Variants in RHOXF1 observed in about 807,000 individuals in gnomAD.
The protein encoded by RHOXF1 is PEPP subfamily gene 1.
Under a neutral mutation model 9.7 loss-of-function variants are expected in RHOXF1, and 1 was observed. That is an observed-to-expected ratio of 0.10 (90% CI 0.04 to 0.49). The LOEUF (loss-of-function observed/expected upper bound fraction) is 0.49. RHOXF1 is among the 20% of genes least tolerant of loss of function. The pLI, the probability that RHOXF1 is intolerant of heterozygous loss-of-function variation, is 0.95. For synonymous variants in RHOXF1, 72 were observed against 70.2 expected (o/e 1.03, Z -0.13); for missense variants, 179 against 168.0 (o/e 1.07, Z -0.36).
intron 1 of RHOXF1, among the ~76,000 whole-genome samples, chrX:120,113,917 C>T (rs1405131759): frequency 9.3e-6 from 1 of 107,774 alleles, no homozygotes; most frequent in Non-Finnish European, 1.9e-5. Context: ...CACGGCGAAA[C>T]CTTATCTCTA....
At position 120,109,171 on chromosome X, in the gene RHOXF1, A is replaced by T; in HGVS notation, c.*21T>A. The T allele has an allele frequency of 9.3e-7, 1 of 1,080,191 alleles. No individual in the cohort carries two copies. Among genetic ancestry groups the T allele is most frequent in the South Asian group, 2.1e-5 (1 of 47,470 alleles). 89.0% of individuals were successfully genotyped at this position (1,080,191 alleles called of 1,213,427 possible). ...AAACCCATCTCCAAACTAGCTCCTG[A>T]AGAAGGATGGCATTCTAGGGCTAGT... is the stretch of plus-strand genomic sequence containing the variant. On this transcript the variant is annotated 3_prime_UTR_variant, in exon 3 of 3. Transcript: ENST00000217999.
At chrX:120,119,446 G>A (rs1224253974), upstream of RHOXF1, 1 of 111,561 alleles carries the variant, frequency 9.0e-6, no homozygotes, top group African/African-American at 3.3e-5. Flanking sequence ...GTTTTCAAGA[G>A]TGAATCAAAA....
rs1327639708 is a variant in RHOXF1, at chrX:120,113,143, CT to C, written c.399-230del. 4.5e-3 allele frequency among the ~76,000 whole-genome samples: 471 copies of C among 105,338 alleles called. 1 individual carries two copies. Among genetic ancestry groups the C allele is most frequent in the Non-Finnish European group, 6.6e-3 (336 of 50,658 alleles). The allele number at this position is 105,338 out of a possible 115,157, so 91.5% of individuals were successfully genotyped here. On this transcript the variant is annotated intron_variant, in intron 1 of 2. Coordinates refer to ENST00000217999, the MANE Select transcript of RHOXF1 (RefSeq NM_139282.3). Reference sequence around the variant, plus strand: ...ACAACTCAGTAATCAAGAGAAATACCTTTTTTTTTTTAAATTGAGACAAGGT... The same window carrying C: ...ACAACTCAGTAATCAAGAGAAATACCTTTTTTTTTTAAATTGAGACAAGGT...
At chrX:120,113,749 C>T (rs2057281204) in intron 1 of RHOXF1, among the ~76,000 whole-genome samples, 1 of 108,578 alleles carries the variant, frequency 9.2e-6, no homozygotes, top group South Asian at 4.2e-4. Flanking sequence ...CCTGAGCCAC[C>T]GTGCCTGGCC....
At chrX:120,119,577 C>T (rs1603391557), upstream of RHOXF1, 1 of 111,952 alleles carries the variant, frequency 8.9e-6, no homozygotes, top group East Asian at 2.8e-4. Context: ...GAGAAAACAC[C>T]GGGGTACACT....
upstream of RHOXF1, among the ~76,000 whole-genome samples, chrX:120,118,914 A>G (rs1289822933): frequency 1.8e-5 from 2 of 111,772 alleles, no homozygotes; most frequent in Non-Finnish European, 3.8e-5. Context: ...CAAGGAAGAA[A>G]ATCTGTCTGC....
At chrX:120,110,998 T>A (rs2057262511) in intron 2 of RHOXF1, among the ~76,000 whole-genome samples, 1 of 112,146 alleles carries the variant, frequency 8.9e-6, no homozygotes, top group South Asian at 3.8e-4. Flanking sequence ...TAGGTCTGCA[T>A]TCCCAATACT....
upstream of RHOXF1, chrX:120,117,794 GGGAGCAGGAAA>G (rs2057303108): frequency 8.9e-6 from 1 of 112,258 alleles, no homozygotes; most frequent in African/African-American, 3.2e-5. Context: ...GTACATTGTG[GGGAGCAGGAAA>G]GGACTACCAG....
In RHOXF1 at chrX:120,115,580, C is replaced by A. The variant is rs782682773; in HGVS notation, c.283G>T (p.Gly95Cys). 1.7e-6 allele frequency: 2 copies of A among 1,145,252 alleles called. No individual in the cohort carries two copies. The highest frequency in any genetic ancestry group is 1.8e-5 in the African/African-American group (1 of 54,883). The allele number at this position is 1,145,252 out of a possible 1,213,427, so 94.4% of individuals were successfully genotyped here. Residue 95 changes from glycine to cysteine, a missense_variant, in exon 1 of 3, where the codon GGT (glycine) becomes TGT (cysteine). Coordinates refer to ENST00000217999, the MANE Select transcript of RHOXF1 (RefSeq NM_139282.3). Reference protein sequence around the residue: ...PEEPAQAAMEGPQPENMQPRT... With the variant: ...PEEPAQAAMECPQPENMQPRT... Reference sequence around the variant, plus strand: ...GGCTGCATGTTCTCGGGCTGCGGACCCTCCATGGCCGCCTGGGCCGGCTCC... The same window carrying A: ...GGCTGCATGTTCTCGGGCTGCGGACACTCCATGGCCGCCTGGGCCGGCTCC...
At chrX:120,110,234 G>A (rs1043718414) in intron 2 of RHOXF1, among the ~76,000 whole-genome samples, 1 of 111,816 alleles carries the variant, frequency 8.9e-6, no homozygotes, top group Non-Finnish European at 1.9e-5. Flanking sequence ...GGGATCATTC[G>A]TCCTCTGGCA....
upstream of RHOXF1, chrX:120,120,331 T>C (rs949224543): frequency 1.8e-5 from 2 of 111,871 alleles, no homozygotes; most frequent in South Asian, 3.8e-4. Context: ...GTAGAGTACT[T>C]GTAACCAGAA....
intron 1 of RHOXF1, among the ~76,000 whole-genome samples, chrX:120,113,912 C>T (rs1050433371): frequency 8.3e-5 from 9 of 108,853 alleles, no homozygotes; most frequent in Admixed American, 3.9e-4. Flanking sequence ...GGCAACACGG[C>T]GAAACCTTAT....
intron 2 of RHOXF1, among the ~76,000 whole-genome samples, chrX:120,110,667 A>G (rs1373319262): frequency 5.3e-5 from 6 of 112,170 alleles, no homozygotes; most frequent in African/African-American, 1.9e-4. Flanking sequence ...TCTGCCAACA[A>G]TTAAAAAGCA....
Position 120,115,552 on chromosome X carries a change from C to A in RHOXF1, c.311G>T (p.Arg104Leu). The change falls in exon 1 of 3, where the codon CGA (arginine) becomes CTA (leucine). Residue 104 changes from arginine (R) to leucine (L), a missense_variant. Physicochemically the swap from Arg to Leu is moderately radical, Grantham distance 102 (BLOSUM62 -2). Coordinates refer to ENST00000217999, the MANE Select transcript of RHOXF1 (RefSeq NM_139282.3). Reference sequence around the variant, plus strand: ...CAGCGTGAACTTCGTGCGCCGAGTTCGTGGCTGCATGTTCTCGGGCTGCGG... The same window carrying A: ...CAGCGTGAACTTCGTGCGCCGAGTTAGTGGCTGCATGTTCTCGGGCTGCGG... ...EGPQPENMQP[R>L]TRRTKFTLLQ... 8.8e-7 allele frequency: 1 copy of A among 1,140,938 alleles called. No individual in the cohort carries two copies. The highest frequency in any genetic ancestry group is 1.2e-6 in the Non-Finnish European group (1 of 862,376). The allele number at this position is 1,140,938 out of a possible 1,213,427, so 94.0% of individuals were successfully genotyped here. A position where few individuals can be genotyped will look rare whatever the true frequency, so the allele number is the denominator to read the frequency against.
At chrX:120,110,163 T>C (rs1441210903) in intron 2 of RHOXF1, among the ~76,000 whole-genome samples, 1 of 111,807 alleles carries the variant, frequency 8.9e-6, no homozygotes, top group Admixed American at 9.5e-5. Context: ...CTTTAGTATG[T>C]AGTAAATAAT....
At position 120,113,597 on chromosome X, in the gene RHOXF1, G is replaced by A. The variant is rs185560072; in HGVS notation, c.399-683C>T. On this transcript the variant is annotated intron_variant, in intron 1 of 2. Coordinates refer to ENST00000217999, the MANE Select transcript of RHOXF1 (RefSeq NM_139282.3). ...GCCTTCCAAGTGGCTGGGAGTACAG[G>A]CACACACCACCACACCCACATGGCT... is the stretch of plus-strand genomic sequence containing the variant. 8.2e-3 allele frequency among the ~76,000 whole-genome samples: 882 copies of A among 107,847 alleles called. 9 individuals are homozygous for A. The highest frequency in any genetic ancestry group is 0.028 in the African/African-American group (829 of 29,588). The allele number at this position is 107,847 out of a possible 115,157, so 93.7% of individuals were successfully genotyped here.
chrX:120,116,169 T>G (rs1190082476), upstream of RHOXF1, among the ~76,000 whole-genome samples: 1 of 17,447 alleles, frequency 5.7e-5, no homozygotes, highest in Admixed American at 8.0e-4. Flanking sequence ...GGGTTGCGGG[T>G]GAGGGTAGGG....
In RHOXF1 at chrX:120,115,569, G is replaced by C; in HGVS notation, c.294C>G (p.Pro98=). 1 of 1,142,739 alleles carries C rather than the reference G, an allele frequency of 8.8e-7. No individual in the cohort carries two copies. The highest frequency in any genetic ancestry group is 1.2e-6 in the Non-Finnish European group (1 of 863,221). 94.2% of individuals were successfully genotyped at this position (1,142,739 alleles called of 1,213,427 possible). Residue 98 remains proline (P), a synonymous_variant, in exon 1 of 3, where the codon CCC becomes CCG. Coordinates refer to ENST00000217999, the MANE Select transcript of RHOXF1 (RefSeq NM_139282.3). ...GCCGAGTTCGTGGCTGCATGTTCTC[G>C]GGCTGCGGACCCTCCATGGCCGCCT... ...PAQAAMEGPQ[P]ENMQPRTRRT...
chrX:120,115,383 A>G, intron 1 of RHOXF1, 82 bp downstream of exon 1: 4 of 875,046 alleles, frequency 4.6e-6, no homozygotes, highest in Non-Finnish European at 6.0e-6. Flanking sequence ...CTTTTTCCTC[A>G]TGATTGGGTG....
Sources: gnomAD v4.1 joint callset for allele counts (sites outside exome capture counted in the v4.1 genomes callset) on GRCh38, gnomAD v4.1.1 for gene constraint, MANE v1.5 for transcripts, NCBI Gene and HGNC (gene_info 2026-07-23, HGNC 2026-07-21) for gene names.